Variants in STK32B observed in about 807,000 individuals in gnomAD.
STK32B encodes the protein serine/threonine kinase 32B.
In STK32B, 43 loss-of-function variants were observed where a neutral mutation model predicts 52.6. The ratio of observed to expected loss-of-function variants is 0.82; its 90% confidence interval spans 0.64 to 1.05. The LOEUF (loss-of-function observed/expected upper bound fraction) is 1.05, where lower values mean the gene tolerates loss of function less well. STK32B is among the 50% of genes least tolerant of loss of function. STK32B has a pLI of 0.00. For missense variants in STK32B, 621 were observed against 534.6 expected (o/e 1.16, Z -1.59); for synonymous variants, 238 against 204.3 (o/e 1.17, Z -1.41).
At chr4:5,422,467 C>T (rs188077085) in intron 6 of STK32B, among the ~76,000 whole-genome samples, 4 of 152,116 alleles carry the variant, frequency 2.6e-5, no homozygotes, top group African/African-American at 7.2e-5. Context: ...GAAAAATTTG[C>T]ATAGGGCTGA....
chr4:5,096,443 C>A (rs2108788646), intron 1 of STK32B, among the ~76,000 whole-genome samples: 1 of 152,312 alleles, frequency 6.6e-6, no homozygotes, highest in South Asian at 2.1e-4. Context: ...AAATTGATCT[C>A]CATGTTTCCC....
At chr4:5,457,735 A>G (rs562981904) in intron 8 of STK32B, among the ~76,000 whole-genome samples, 1 of 151,676 alleles carries the variant, frequency 6.6e-6, no homozygotes, top group South Asian at 2.1e-4. Context: ...CTACAAAAGT[A>G]GGTGGCACAT....
intron 3 of STK32B, among the ~76,000 whole-genome samples, chr4:5,223,443 T>C (rs1310400879): frequency 1.3e-5 from 2 of 152,088 alleles, no homozygotes; most frequent in East Asian, 3.9e-4. Context: ...ATCTGAGGCA[T>C]GGGTTGTGCC....
chr4:5,188,369 G>T (rs1238938655), intron 3 of STK32B, among the ~76,000 whole-genome samples: 1 of 152,134 alleles, frequency 6.6e-6, no homozygotes, highest in Non-Finnish European at 1.5e-5. Flanking sequence ...TGGAAACTGT[G>T]GTGCCCTTGA....
intron 4 of STK32B, among the ~76,000 whole-genome samples, chr4:5,375,249 T>C (rs1054751734): frequency 6.6e-6 from 1 of 152,006 alleles, no homozygotes; most frequent in Admixed American, 6.6e-5. Flanking sequence ...CACTTGCAAT[T>C]TCACAGCCAT....
At chr4:5,073,095 TG>T (rs1340772743) in intron 1 of STK32B, among the ~76,000 whole-genome samples, 2 of 152,112 alleles carry the variant, frequency 1.3e-5, no homozygotes, top group African/African-American at 4.8e-5. Context: ...GTCTGCCTTT[TG>T]TATTTTGCCT....
intron 3 of STK32B, among the ~76,000 whole-genome samples, chr4:5,246,182 C>G (rs548399145): frequency 6.6e-6 from 1 of 152,300 alleles, no homozygotes; most frequent in South Asian, 2.1e-4. Context: ...CAAGTTGGTT[C>G]CTTTCTCCCC....
chr4:5,175,062 C>T (rs149625137), intron 3 of STK32B, among the ~76,000 whole-genome samples: 26,322 of 152,144 alleles, frequency 0.17, 2,886 homozygotes, highest in East Asian at 0.31. Flanking sequence ...CATCTTCCAT[C>T]GCTGATACCC....
At chr4:5,159,748 A>AAT (rs1414002030) in intron 2 of STK32B, among the ~76,000 whole-genome samples, 1 of 136,116 alleles carries the variant, frequency 7.3e-6, no homozygotes, top group African/African-American at 2.9e-5. Context: ...TGAATATATG[A>AAT]ATGTATATGA....
intron 2 of STK32B, among the ~76,000 whole-genome samples, chr4:5,152,201 A>T (rs1717425161): frequency 6.6e-6 from 1 of 152,256 alleles, no homozygotes; most frequent in Non-Finnish European, 1.5e-5. Context: ...TAAAGCAAAG[A>T]ATCAGAAACA....
rs184883521 is a variant in STK32B, at chr4:5,386,146, G to A, written c.435-12061G>A. Among the ~76,000 whole-genome samples the A allele has an allele frequency of 2.3e-4, 34 of 150,626 alleles. No individual in the cohort carries two copies. The Admixed American group carries it at 2.3e-3, about 10-fold the overall frequency. On this transcript the variant is annotated intron_variant, in intron 4 of 11. Transcript: ENST00000282908. This position sits in a 1 kb window ranked among gnomAD's most constrained non-coding sequence, Gnocchi z 4.5. ...TCTTGGCCCACAGTTCCTGGCCTTT[G>A]TACTCCCTGGACTCTTCCCAGCCGT...
chr4:5,034,805 C>G, the STK32B span, among the ~76,000 whole-genome samples: 1 of 152,186 alleles, frequency 6.6e-6, no homozygotes, highest in Non-Finnish European at 1.5e-5. Flanking sequence ...CAGGCTCCAT[C>G]GTCAGACACT....
intron 11 of STK32B, among the ~76,000 whole-genome samples, chr4:5,478,268 CAG>C (rs1718389976): frequency 6.6e-6 from 1 of 152,314 alleles, no homozygotes; most frequent in East Asian, 1.9e-4. Flanking sequence ...ACTCAGAAAC[CAG>C]AGACTGCTGC....
intron 1 of STK32B, among the ~76,000 whole-genome samples, chr4:5,071,964 C>A (rs541993474): frequency 6.6e-6 from 1 of 152,188 alleles, no homozygotes; most frequent in South Asian, 2.1e-4. Context: ...TGCAGGTTGC[C>A]AATTTGATTT....
intron 3 of STK32B, among the ~76,000 whole-genome samples, chr4:5,216,624 C>CA (rs1449046658): frequency 6.6e-6 from 1 of 152,058 alleles, no homozygotes; most frequent in Admixed American, 6.6e-5. Context: ...GAGGACACTG[C>CA]AGAGGGAAGA....
intron 3 of STK32B, among the ~76,000 whole-genome samples, chr4:5,247,405 T>C (rs1397923690): frequency 6.6e-5 from 10 of 152,242 alleles, no homozygotes; most frequent in Admixed American, 4.6e-4. Context: ...GTGTACCGTT[T>C]GTTAAGCCTG....
intron 1 of STK32B, among the ~76,000 whole-genome samples, chr4:5,091,453 G>A (rs1713075754): frequency 6.6e-6 from 1 of 151,946 alleles, no homozygotes; most frequent in African/African-American, 2.4e-5. Context: ...ATATACAAAT[G>A]ATCAATAAAC....
At chr4:5,313,298 A>G (rs1730437204) in intron 3 of STK32B, among the ~76,000 whole-genome samples, 1 of 152,012 alleles carries the variant, frequency 6.6e-6, no homozygotes, top group African/African-American at 2.4e-5. Flanking sequence ...TATTATATCA[A>G]TTGATGCAGA....
At chr4:5,410,194 C>G (rs139547737) in intron 5 of STK32B, among the ~76,000 whole-genome samples, 148 of 152,274 alleles carry the variant, frequency 9.7e-4, no homozygotes, top group Non-Finnish European at 1.5e-3. Flanking sequence ...TTGCTGGAAA[C>G]GGCTGGAGCC....
Sources: gnomAD v4.1 joint callset for allele counts (sites outside exome capture counted in the v4.1 genomes callset) on GRCh38, gnomAD v4.1.1 for gene constraint, Gnocchi (gnomAD v3.1) non-coding constraint, MANE v1.5 for transcripts, NCBI Gene and HGNC (gene_info 2026-07-23, HGNC 2026-07-21) for gene names.